GPLD1: variants seen among roughly 807,000 people sequenced by gnomAD.
GPLD1 encodes glycosylphosphatidylinositol specific phospholipase D1, also known as phosphatidylinositol-glycan-specific phospholipase D.
In GPLD1, 84 loss-of-function variants were observed where a neutral mutation model predicts 112.6. The observed-to-expected ratio is 0.75, with a 90% CI of 0.63 to 0.89. GPLD1 has a LOEUF of 0.89. GPLD1 is among the 40% of genes least tolerant of loss of function. The pLI is 0.00. For missense variants in GPLD1, 1,044 were observed against 1,051.5 expected (o/e 0.99, Z 0.10); for synonymous variants, 386 against 403.8 (o/e 0.96, Z 0.53).
At chr6:24,435,620 GT>G in intron 22 of GPLD1, among the ~76,000 whole-genome samples, 1 of 151,476 alleles carries the variant, frequency 6.6e-6, no homozygotes, top group Non-Finnish European at 1.5e-5. Flanking sequence ...ACTTTGGGCT[GT>G]AATCCCAGCC....
At chr6:24,495,259 G>A (rs1308111109), upstream of GPLD1, 1 of 1,532,334 alleles carries the variant, frequency 6.5e-7, no homozygotes. Context: ...GCCGCTCTGG[G>A]CATGGTAGCC....
chr6:24,432,079 T>C (rs1418121944), intron 24 of GPLD1, among the ~76,000 whole-genome samples: 1 of 151,688 alleles, frequency 6.6e-6, no homozygotes, highest in African/African-American at 2.4e-5. Context: ...GAAACTCTTG[T>C]CTCCTAAAAA....
chr6:24,433,311 G>A (rs1762463968), intron 23 of GPLD1, 52 bp downstream of exon 23: 3 of 1,577,900 alleles, frequency 1.9e-6, no homozygotes, highest in Admixed American at 3.3e-5. Flanking sequence ...AATAAACCAA[G>A]GGGCATTGTT....
chr6:24,486,287 G>A lies in GPLD1; in HGVS notation c.98-157C>T, dbSNP rs539661694. Among the ~76,000 whole-genome samples the A allele has an allele frequency of 5.3e-5, 8 of 152,322 alleles. No homozygotes were observed. The South Asian group carries it at 1.7e-3, about 32-fold the overall frequency. ...TTGCACTCACTGGCAATTTTCATTA[G>A]GTATAGGCTTGTGCAGTATTTCTAT... On this transcript the variant is annotated intron_variant, in intron 1 of 24. Coordinates refer to ENST00000230036, the MANE Select transcript of GPLD1 (RefSeq NM_001503.4).
intron 12 of GPLD1, 133 bp downstream of exon 12, chr6:24,460,146 A>T: frequency 9.9e-7 from 1 of 1,010,316 alleles, no homozygotes; most frequent in East Asian, 2.4e-5. Context: ...GATCCTCTCA[A>T]CTCAGCCTCC....
In GPLD1 at chr6:24,484,430, G is replaced by A. The variant is rs1011067540; in HGVS notation, c.153+1645C>T. Among the ~76,000 whole-genome samples, 6 of 151,698 alleles carry A rather than the reference G, an allele frequency of 4.0e-5. No individual in the cohort carries two copies. In the East Asian group the frequency reaches 1.2e-3, roughly 30 times the overall value. On this transcript the variant is annotated intron_variant, in intron 2 of 24. Transcript: ENST00000230036. ...AAGGTTTCATCATGTTGGCCAGGCTGTTCTCAAACTCCTGACCTCACGTGA... is the reference window on the plus strand; with the variant it reads ...AAGGTTTCATCATGTTGGCCAGGCTATTCTCAAACTCCTGACCTCACGTGA...
intron 5 of GPLD1, among the ~76,000 whole-genome samples, 186 bp from the exon 6 acceptor site, chr6:24,473,853 G>A (rs775182877): frequency 2.0e-5 from 3 of 152,130 alleles, no homozygotes; most frequent in African/African-American, 4.8e-5. Flanking sequence ...GGCAGGGCGC[G>A]GTAGCTCACG....
rs554223913 is a variant in GPLD1 at position 24,428,984 on chromosome 6, G to A, written c.*48C>T. On this transcript the variant is annotated 3_prime_UTR_variant, in exon 25 of 25. Coordinates refer to ENST00000230036, the MANE Select transcript of GPLD1 (RefSeq NM_001503.4). ...CCATCAAAATGCTCACCATGGATGT[G>A]ATTCAGCATGAGAGAGGTGGGCAGA... 4 of 1,294,382 alleles carry A rather than the reference G, an allele frequency of 3.1e-6. No homozygotes were observed. Among genetic ancestry groups the A allele is most frequent in the Non-Finnish European group, 4.5e-6 (4 of 898,212 alleles). 80.2% of individuals were successfully genotyped at this position (1,294,382 alleles called of 1,614,324 possible).
chr6:24,468,349 A>G (rs780825553), intron 7 of GPLD1, among the ~76,000 whole-genome samples: 1 of 152,200 alleles, frequency 6.6e-6, no homozygotes, highest in Non-Finnish European at 1.5e-5. Flanking sequence ...ACAAATGTAT[A>G]TCTGATTGCT....
chr6:24,480,924 C>T (rs1003656106), intron 2 of GPLD1, among the ~76,000 whole-genome samples: 4 of 152,234 alleles, frequency 2.6e-5, no homozygotes, highest in African/African-American at 9.6e-5. Flanking sequence ...CACAGCCCCT[C>T]GTGTTGCAGC....
chr6:24,429,154 C>T (rs776759129), intron 24 of GPLD1, 36 bp from the exon 25 acceptor site: 15 of 1,343,412 alleles, frequency 1.1e-5, no homozygotes, highest in Non-Finnish European at 1.2e-5. Context: ...ATGGCTCATT[C>T]ATAACATCTA....
chr6:24,488,468 T>C (rs57186149), intron 1 of GPLD1, among the ~76,000 whole-genome samples: 1 of 151,598 alleles, frequency 6.6e-6, no homozygotes, highest in Non-Finnish European at 1.5e-5. Context: ...AATCTGAAAA[T>C]TGCTGTAGAA....
Position 24,432,772 on chromosome 6 carries a change from G to A in GPLD1, c.2436+415C>T, listed in dbSNP as rs796287676. Among the ~76,000 whole-genome samples the A allele has an allele frequency of 4.6e-5, 7 of 152,290 alleles. No homozygotes were observed. The South Asian group carries it at 8.3e-4, about 18-fold the overall frequency. ...CAAAGCAACCAGTCAGTTCTGCCACGGCAGCACGACAGCAGCCACGCGCAG... is the reference window on the plus strand; with the variant it reads ...CAAAGCAACCAGTCAGTTCTGCCACAGCAGCACGACAGCAGCCACGCGCAG... On this transcript the variant is annotated intron_variant, in intron 24 of 24. Transcript: ENST00000230036.
upstream of GPLD1, among the ~76,000 whole-genome samples, chr6:24,490,541 A>G (rs568865555): frequency 1.2e-4 from 18 of 152,280 alleles, no homozygotes; most frequent in African/African-American, 3.6e-4. Flanking sequence ...ACCTGAGGTC[A>G]GGAGTTTGAG....
chr6:24,465,719 G>A (rs1250147756), intron 10 of GPLD1, among the ~76,000 whole-genome samples: 2 of 151,674 alleles, frequency 1.3e-5, no homozygotes, highest in East Asian at 3.9e-4. Context: ...TATTTCGGCT[G>A]AGTTTCTGAT....
In GPLD1 at chr6:24,426,174, G is replaced by C. The variant is rs1312275507; in HGVS notation, c.*2858C>G. The C allele has an allele frequency of 6.6e-6, 1 of 152,126 alleles. No individual in the cohort carries two copies. Among genetic ancestry groups the C allele is most frequent in the African/African-American group, 2.4e-5 (1 of 41,430 alleles). The allele number at this position is 152,126 out of a possible 1,614,324, so 9.4% of individuals were successfully genotyped here. A position where few individuals can be genotyped will look rare whatever the true frequency, so the allele number is the denominator to read the frequency against. On this transcript the variant is annotated 3_prime_UTR_variant, in exon 25 of 25. Coordinates refer to ENST00000230036, the MANE Select transcript of GPLD1 (RefSeq NM_001503.4). ...ATGTCTTCTGATATCTTGAAATAAAGATAAATTTCAGTTAAACTTGTATAA... is the reference window on the plus strand; with the variant it reads ...ATGTCTTCTGATATCTTGAAATAAACATAAATTTCAGTTAAACTTGTATAA...
At chr6:24,494,588 G>A (rs1324839702) in intron 1 of GPLD1, among the ~76,000 whole-genome samples, 2 of 152,180 alleles carry the variant, frequency 1.3e-5, no homozygotes, top group Non-Finnish European at 1.5e-5. Flanking sequence ...CGGGGATGCC[G>A]AATTTGGGGG....
intron 14 of GPLD1, among the ~76,000 whole-genome samples, chr6:24,451,932 C>G (rs551639494): frequency 6.6e-6 from 1 of 152,344 alleles, no homozygotes; most frequent in South Asian, 2.1e-4. Context: ...ACCATCCGGC[C>G]CTCCTACGGG....
chr6:24,429,444 G>T (rs190700942), intron 24 of GPLD1, among the ~76,000 whole-genome samples: 2 of 152,292 alleles, frequency 1.3e-5, no homozygotes, highest in East Asian at 3.9e-4. Flanking sequence ...CCTAGAAGCT[G>T]GCTTTGTCAA....
Sources: allele counts gnomAD v4.1 joint callset (sites outside exome capture counted in the v4.1 genomes callset), GRCh38; gene constraint gnomAD v4.1.1; transcripts MANE v1.5; gene names NCBI Gene and HGNC (gene_info 2026-07-23, HGNC 2026-07-21).